TASP1: variants seen among roughly 807,000 people sequenced by gnomAD.
TASP1 encodes the protein threonine aspartase 1.
In TASP1, 16 loss-of-function variants were observed where a neutral mutation model predicts 56.6. That is an observed-to-expected ratio of 0.28 (90% CI 0.19 to 0.43). The LOEUF is 0.43. TASP1 is among the 20% of genes least tolerant of loss of function. TASP1 has a pLI of 1.00. For missense variants in TASP1, 393 were observed against 511.6 expected, an observed-to-expected ratio of 0.77 and a Z score of 2.24; for synonymous variants, 179 against 184.2, an observed-to-expected ratio of 0.97 and a Z score of 0.23.
At chr20:13,117,514 G>A in the TASP1 span, 2 of 1,592,420 alleles carry the variant, frequency 1.3e-6, no homozygotes, top group Admixed American at 1.8e-5. Flanking sequence ...AGCATGGAAG[G>A]TTCCATCGTG....
chr20:13,269,738 CTTCT>C, the TASP1 span, among the ~76,000 whole-genome samples: 1 of 152,150 alleles, frequency 6.6e-6, no homozygotes, highest in Admixed American at 6.5e-5. Context: ...TCTCCATCAT[CTTCT>C]TTCTTTTCTT....
chr20:13,225,004 C>T, the TASP1 span, among the ~76,000 whole-genome samples: 5 of 145,764 alleles, frequency 3.4e-5, no homozygotes, highest in Non-Finnish European at 7.5e-5. Context: ...TGCCACCACG[C>T]CCGGCTAATT....
At chr20:13,281,975 C>T in the TASP1 span, among the ~76,000 whole-genome samples, 1 of 152,152 alleles carries the variant, frequency 6.6e-6, no homozygotes, top group African/African-American at 2.4e-5. Context: ...ACTAGCATCA[C>T]GTGGAAATGC....
intron 13 of TASP1, among the ~76,000 whole-genome samples, chr20:13,416,983 G>C (rs2042275875): frequency 6.6e-6 from 1 of 152,220 alleles, no homozygotes; most frequent in Admixed American, 6.5e-5. Context: ...TGAAAGGTGA[G>C]ACAGGTCATA....
At chr20:13,636,640 T>C (rs1046349590) in intron 1 of TASP1, among the ~76,000 whole-genome samples, 2 of 152,164 alleles carry the variant, frequency 1.3e-5, no homozygotes, top group African/African-American at 2.4e-5. Flanking sequence ...CAGGATAATT[T>C]AGAATAACAA....
At chr20:13,267,015 A>AC in the TASP1 span, among the ~76,000 whole-genome samples, 2 of 152,148 alleles carry the variant, frequency 1.3e-5, no homozygotes, top group Non-Finnish European at 2.9e-5. Flanking sequence ...GTTGTCTCCT[A>AC]CCCTAGATTT....
chr20:13,567,387 A>G (rs995924448), intron 7 of TASP1, among the ~76,000 whole-genome samples: 2 of 152,198 alleles, frequency 1.3e-5, no homozygotes, highest in Admixed American at 1.3e-4. Flanking sequence ...GTTTACCTAT[A>G]TAACAAACCT....
At chr20:13,467,098 T>C (rs1278481952) in intron 11 of TASP1, among the ~76,000 whole-genome samples, 1 of 152,118 alleles carries the variant, frequency 6.6e-6, no homozygotes, top group Non-Finnish European at 1.5e-5. Context: ...TGAAGATTTA[T>C]ATATGCTTCA....
intron 4 of TASP1, among the ~76,000 whole-genome samples, chr20:13,599,421 A>G (rs1319303326): frequency 6.6e-6 from 1 of 152,170 alleles, no homozygotes; most frequent in Non-Finnish European, 1.5e-5. Context: ...GCAAACTATC[A>G]CGAGGACAGA....
the TASP1 span, among the ~76,000 whole-genome samples, chr20:13,186,298 T>A: frequency 6.6e-6 from 1 of 152,170 alleles, no homozygotes; most frequent in Non-Finnish European, 1.5e-5. Context: ...AGACCTACTT[T>A]CCCGGGGGGA....
At chr20:13,574,861 G>C (rs939881149) in intron 6 of TASP1, among the ~76,000 whole-genome samples, 1 of 151,970 alleles carries the variant, frequency 6.6e-6, no homozygotes, top group Non-Finnish European at 1.5e-5. Flanking sequence ...ACTACAAGAG[G>C]CTGAAATTAC....
chr20:13,539,373 G>C (rs2045535199), intron 8 of TASP1, among the ~76,000 whole-genome samples: 1 of 151,958 alleles, frequency 6.6e-6, no homozygotes, highest in East Asian at 1.9e-4. Flanking sequence ...CAACATAGCA[G>C]ACCCTGCCTC....
intron 12 of TASP1, among the ~76,000 whole-genome samples, chr20:13,431,667 G>A (rs2042813609): frequency 6.6e-6 from 1 of 152,164 alleles, no homozygotes; most frequent in Non-Finnish European, 1.5e-5. Context: ...CTGAATGTTT[G>A]TTTCCTCCAA....
At chr20:13,354,042 A>T in the TASP1 span, among the ~76,000 whole-genome samples, 1 of 152,252 alleles carries the variant, frequency 6.6e-6, no homozygotes, top group African/African-American at 2.4e-5. Flanking sequence ...AAGTACTGTC[A>T]AAATAATGAA....
At chr20:13,159,457 G>C in the TASP1 span, among the ~76,000 whole-genome samples, 1 of 152,220 alleles carries the variant, frequency 6.6e-6, no homozygotes, top group African/African-American at 2.4e-5. Flanking sequence ...GCTGCAGTGG[G>C]AATATTGGCT....
chr20:13,298,020 T>A, the TASP1 span, among the ~76,000 whole-genome samples: 1 of 152,228 alleles, frequency 6.6e-6, no homozygotes, highest in Non-Finnish European at 1.5e-5. Context: ...AAATCAAAAC[T>A]GAGTCCTATA....
chr20:13,627,398 T>C (rs2048930304), intron 2 of TASP1, among the ~76,000 whole-genome samples: 1 of 152,236 alleles, frequency 6.6e-6, no homozygotes, highest in South Asian at 2.1e-4. Context: ...CCTACTCTTC[T>C]TGCTGACCCC....
At chr20:13,407,996 T>G (rs530037643) in intron 13 of TASP1, among the ~76,000 whole-genome samples, 1 of 152,280 alleles carries the variant, frequency 6.6e-6, no homozygotes, top group East Asian at 1.9e-4. Flanking sequence ...TTGCAAATAT[T>G]TTTTCCTATT....
the TASP1 span, among the ~76,000 whole-genome samples, chr20:13,294,317 C>T: frequency 6.6e-6 from 1 of 152,208 alleles, no homozygotes; most frequent in South Asian, 2.1e-4. Flanking sequence ...AATCCCTTCA[C>T]ACACATATGA....
Sources: gnomAD v4.1 joint callset for allele counts (sites outside exome capture counted in the v4.1 genomes callset) on GRCh38, gnomAD v4.1.1 for gene constraint, MANE v1.5 for transcripts, NCBI Gene and HGNC (gene_info 2026-07-23, HGNC 2026-07-21) for gene names.